The following CLVS1 variants were observed in gnomAD, a reference collection of about 807,000 sequenced individuals.
CLVS1 encodes the protein clavesin 1, also known as clavesin-1.
Under a neutral mutation model 33.1 loss-of-function variants are expected in CLVS1, and 10 were observed. The observed-to-expected ratio is 0.30, with a 90% confidence interval of 0.19 to 0.51. The LOEUF is 0.51. Ranked by LOEUF, CLVS1 falls within the 20% of genes least tolerant of loss-of-function variation. The pLI is 0.97. For synonymous variants in CLVS1, 163 were observed against 166.1 expected, an observed-to-expected ratio of 0.98 and a Z score of 0.14; for missense variants, 343 against 433.4, an observed-to-expected ratio of 0.79 and a Z score of 1.85.
intron 2 of CLVS1, among the ~76,000 whole-genome samples, chr8:61,220,179 A>G (rs1002287809): frequency 1.3e-5 from 2 of 152,100 alleles, no homozygotes; most frequent in Non-Finnish European, 2.9e-5. Context: ...CCCATTTGTC[A>G]ATCTTGGCTT....
At position 61,060,026 on chromosome 8, in the gene CLVS1, C is replaced by G. The variant is rs149384790; in HGVS notation, c.-243+2796C>G. Among the ~76,000 whole-genome samples, 1,440 of 152,168 alleles carry G rather than the reference C, an allele frequency of 9.5e-3. 28 individuals are homozygous for G. The highest frequency in any genetic ancestry group is 0.033 in the African/African-American group (1,360 of 41,510). ...ACAGCTTTGATCATGCTGGTGAGGACAGTGCCCTGGCGATTCCGGAATGAC... is the reference window on the plus strand; with the variant it reads ...ACAGCTTTGATCATGCTGGTGAGGAGAGTGCCCTGGCGATTCCGGAATGAC... On this transcript the variant is annotated intron_variant, in intron 1 of 2. Transcript: ENST00000522621.
chr8:61,015,965 G>A, the CLVS1 span, among the ~76,000 whole-genome samples: 14 of 152,130 alleles, frequency 9.2e-5, no homozygotes, highest in African/African-American at 3.4e-4. Flanking sequence ...TACTCAATAA[G>A]GAAATACAGG....
the CLVS1 span, among the ~76,000 whole-genome samples, chr8:61,021,285 C>T: frequency 6.6e-6 from 1 of 152,192 alleles, no homozygotes. Flanking sequence ...GATGGCTGGT[C>T]TCCTGGGCAG....
intron 1 of CLVS1, among the ~76,000 whole-genome samples, chr8:61,095,424 A>G (rs1805335325): frequency 6.6e-6 from 1 of 152,086 alleles, no homozygotes; most frequent in African/African-American, 2.4e-5. Flanking sequence ...CGTTGAGACC[A>G]TGGGTGAGAG....
chr8:61,065,191 G>A (rs770323859), intron 1 of CLVS1, among the ~76,000 whole-genome samples: 2 of 152,094 alleles, frequency 1.3e-5, no homozygotes, highest in Non-Finnish European at 2.9e-5. Context: ...ACCTATGTAC[G>A]TCCTCCCGTA....
Sources: allele counts gnomAD v4.1 joint callset (sites outside exome capture counted in the v4.1 genomes callset), GRCh38; gene constraint gnomAD v4.1.1; transcripts MANE v1.5; gene names NCBI Gene and HGNC (gene_info 2026-07-23, HGNC 2026-07-21).